The following WNT3A variants were observed in gnomAD, a reference collection of about 807,000 sequenced individuals.
WNT3A encodes Wnt family member 3A.
A neutral mutation model predicts 37.0 loss-of-function variants in WNT3A; 17 were observed. That is an observed-to-expected ratio of 0.46 (90% CI 0.31 to 0.69). The LOEUF is 0.69. Ranked by LOEUF, WNT3A falls within the 30% of genes least tolerant of loss-of-function variation. The probability of loss-of-function intolerance (pLI) is 0.05; values close to 1 mark genes in which losing one functional copy is unlikely to be tolerated. For missense variants in WNT3A, 411 were observed against 510.2 expected (o/e 0.81, Z 1.87); for synonymous variants, 187 against 211.0 (o/e 0.89, Z 0.99).
At chr1:228,010,709 A>C (rs1223244609) in intron 1 of WNT3A, among the ~76,000 whole-genome samples, 3 of 152,238 alleles carry the variant, frequency 2.0e-5, no homozygotes, top group African/African-American at 7.2e-5. Context: ...AGCGAAGTGC[A>C]GTGTGGGCTG....
intron 1 of WNT3A, among the ~76,000 whole-genome samples, chr1:228,011,243 C>A (rs1181033819): frequency 8.9e-6 from 1 of 112,490 alleles, no homozygotes; most frequent in East Asian, 3.0e-4. Flanking sequence ...GTTTCGGGGA[C>A]TGAGAGGGGC....
Position 228,060,302 on chromosome 1 carries a change from T to C in WNT3A, c.*837T>C. 4 of 1,351,166 alleles carry C rather than the reference T, an allele frequency of 3.0e-6. No individual in the cohort carries two copies. The highest frequency in any genetic ancestry group is 4.6e-5 in the East Asian group (1 of 21,944). The allele number at this position is 1,351,166 out of a possible 1,614,324, so 83.7% of individuals were successfully genotyped here. A position where few individuals can be genotyped will look rare whatever the true frequency, so the allele number is the denominator to read the frequency against. On this transcript the variant is annotated 3_prime_UTR_variant, in exon 4 of 4. Coordinates refer to ENST00000284523, the MANE Select transcript of WNT3A (RefSeq NM_033131.4). ...CCTGCGTCGAGCTGGGAAGGTTCCA[T>C]GAAGCGAGTCGGGTCCCCAACCCGT... is the stretch of plus-strand genomic sequence containing the variant.
Position 228,059,956 on chromosome 1 carries a change from G to T in WNT3A, c.*491G>T. The stretch of plus-strand genomic sequence containing the variant: ...CTGGGGTAGGCTGCTCCCTGAGGGC[G>T]GAGCGCCTCCTTAGGAGTGGGGTTT... On this transcript the variant is annotated 3_prime_UTR_variant, in exon 4 of 4. Coordinates refer to ENST00000284523, the MANE Select transcript of WNT3A (RefSeq NM_033131.4). The T allele has an allele frequency of 1.8e-6, 2 of 1,104,758 alleles. No individual in the cohort carries two copies. Among genetic ancestry groups the T allele is most frequent in the African/African-American group, 3.3e-5 (2 of 60,292 alleles). The allele number at this position is 1,104,758 out of a possible 1,614,324, so 68.4% of individuals were successfully genotyped here. A position where few individuals can be genotyped will look rare whatever the true frequency, so the allele number is the denominator to read the frequency against.
intron 2 of WNT3A, among the ~76,000 whole-genome samples, chr1:228,026,752 G>A (rs188460359): frequency 2.0e-5 from 3 of 152,236 alleles, no homozygotes; most frequent in Non-Finnish European, 4.4e-5. Context: ...TAGAATAATG[G>A]CTTCCAGATC....
intron 2 of WNT3A, among the ~76,000 whole-genome samples, chr1:228,045,606 C>A (rs546993403): frequency 1.3e-5 from 2 of 152,298 alleles, no homozygotes; most frequent in East Asian, 3.9e-4. Flanking sequence ...TGTATTCACT[C>A]AGAGGCAGTG....
Position 228,007,077 on chromosome 1 carries a change from C to T in WNT3A, c.-52C>T. 2 of 1,409,370 alleles carry T rather than the reference C, an allele frequency of 1.4e-6. No individual in the cohort carries two copies. The highest frequency in any genetic ancestry group is 1.5e-5 in the African/African-American group (1 of 66,400). 87.3% of individuals were successfully genotyped at this position (1,409,370 alleles called of 1,614,324 possible). ...GCTCCCAGGGCCCGGCCCCCCCCGG[C>T]GCTCACGCTCTCGGGGCGGACTCCC... On this transcript the variant is annotated 5_prime_UTR_variant, in exon 1 of 4. Transcript: ENST00000284523. This position sits in a 1 kb window ranked among gnomAD's most constrained non-coding sequence, Gnocchi z 6.0.
At chr1:228,013,895 T>C (rs568972468) in intron 1 of WNT3A, among the ~76,000 whole-genome samples, 41 of 152,248 alleles carry the variant, frequency 2.7e-4, no homozygotes, top group Middle Eastern at 3.4e-3. Flanking sequence ...AAGACAAAGA[T>C]TTGGAACAGG....
intron 2 of WNT3A, among the ~76,000 whole-genome samples, chr1:228,048,029 C>T (rs978257566): frequency 6.6e-6 from 1 of 152,148 alleles, no homozygotes; most frequent in African/African-American, 2.4e-5. Flanking sequence ...CCCTGGATGT[C>T]CAGGTGGCAG....
chr1:228,041,118 A>G (rs1298025018), intron 2 of WNT3A, among the ~76,000 whole-genome samples: 1 of 151,740 alleles, frequency 6.6e-6, no homozygotes, highest in East Asian at 1.9e-4. Context: ...GTCCTCTGTT[A>G]GTCCCCAGAT....
chr1:228,055,049 A>C (rs1177020652), intron 3 of WNT3A, among the ~76,000 whole-genome samples: 1 of 146,826 alleles, frequency 6.8e-6, no homozygotes, highest in Admixed American at 6.8e-5. Flanking sequence ...CAGGAGAATC[A>C]CTTGAATCCA....
intron 3 of WNT3A, among the ~76,000 whole-genome samples, chr1:228,058,286 G>A (rs931526233): frequency 1.3e-5 from 2 of 152,200 alleles, no homozygotes; most frequent in Non-Finnish European, 2.9e-5. Context: ...CATGCCTCAT[G>A]GGCTCCTGTC....
intron 2 of WNT3A, among the ~76,000 whole-genome samples, chr1:228,030,344 C>T (rs182833094): frequency 9.5e-4 from 143 of 150,300 alleles, no homozygotes; most frequent in African/African-American, 3.3e-3. Flanking sequence ...TTTAGTGAGC[C>T]GAGATCGCTT....
In WNT3A at chr1:228,059,484, C is replaced by A. The variant is rs767551023; in HGVS notation, c.*19C>A. 14 of 1,488,398 alleles carry A rather than the reference C, an allele frequency of 9.4e-6. No homozygotes were observed. Among genetic ancestry groups the A allele is most frequent in the East Asian group, 2.4e-5 (1 of 42,296 alleles). The allele number at this position is 1,488,398 out of a possible 1,614,324, so 92.2% of individuals were successfully genotyped here. A position where few individuals can be genotyped will look rare whatever the true frequency, so the allele number is the denominator to read the frequency against. On this transcript the variant is annotated 3_prime_UTR_variant, in exon 4 of 4. Coordinates refer to ENST00000284523, the MANE Select transcript of WNT3A (RefSeq NM_033131.4). ...CAAGTAGGCACCGGCCGCGGCTCCC[C>A]CTGGACGGGGCGGGCCCTGCCTGAG...
At position 228,007,256 on chromosome 1, in the gene WNT3A, G is replaced by C; in HGVS notation, c.71+57G>C. On this transcript the variant is annotated intron_variant, in intron 1 of 3. Coordinates refer to ENST00000284523, the MANE Select transcript of WNT3A (RefSeq NM_033131.4). The surrounding 1 kb of genome is among the most constrained non-coding windows in gnomAD (Gnocchi z 6.0). ...CCTGTGCGCCGCGCCCGCAGCAGACGGTCCCCTCGGGCAGGGACCCCGCGG... is the reference window on the plus strand; with the variant it reads ...CCTGTGCGCCGCGCCCGCAGCAGACCGTCCCCTCGGGCAGGGACCCCGCGG... 3 of 1,538,716 alleles carry C rather than the reference G, an allele frequency of 1.9e-6. No individual in the cohort carries two copies. The highest frequency in any genetic ancestry group is 8.8e-7 in the Non-Finnish European group (1 of 1,135,124).
rs117369633 is a variant in WNT3A at position 228,033,313 on chromosome 1, T to C, written c.313+10405T>C. Among the ~76,000 whole-genome samples the C allele has an allele frequency of 3.6e-3, 549 of 152,180 alleles. 11 individuals carry two copies. Among genetic ancestry groups the C allele is most frequent in the East Asian group, 0.03 (158 of 5,194 alleles). On this transcript the variant is annotated intron_variant, in intron 2 of 3. Transcript: ENST00000284523. ...TTTTTAAATAAGAGTTTTAGCGTTT[T>C]AGTGCTTACATCTCGGTCTTTAATT... is the stretch of plus-strand genomic sequence containing the variant.
intron 2 of WNT3A, among the ~76,000 whole-genome samples, chr1:228,026,157 C>T (rs2030851078): frequency 6.6e-6 from 1 of 151,534 alleles, no homozygotes; most frequent in Non-Finnish European, 1.5e-5. Flanking sequence ...TAGTTTTGAT[C>T]CTCAACTGTA....
intron 3 of WNT3A, among the ~76,000 whole-genome samples, chr1:228,056,912 T>C (rs74143632): frequency 4.6e-5 from 7 of 152,166 alleles, no homozygotes; most frequent in Non-Finnish European, 1.0e-4. Flanking sequence ...AAGCCAAGAA[T>C]TCACTTCCCA....
rs1165637317 is a variant in WNT3A at position 228,060,993 on chromosome 1, C to G, written c.*1528C>G. 1 of 152,624 alleles carries G rather than the reference C, an allele frequency of 6.6e-6. No homozygotes were observed. The highest frequency in any genetic ancestry group is 2.4e-5 in the African/African-American group (1 of 41,468). The allele number at this position is 152,624 out of a possible 1,614,324, so 9.5% of individuals were successfully genotyped here. A position where few individuals can be genotyped will look rare whatever the true frequency, so the allele number is the denominator to read the frequency against. On this transcript the variant is annotated 3_prime_UTR_variant, in exon 4 of 4. Coordinates refer to ENST00000284523, the MANE Select transcript of WNT3A (RefSeq NM_033131.4). Reference sequence around the variant, plus strand: ...GTCCGCTTTCCTGGAGCCAATGGCCCGGCCCCTCCTGACTCATCCGCCTGG... The same window carrying G: ...GTCCGCTTTCCTGGAGCCAATGGCCGGGCCCCTCCTGACTCATCCGCCTGG...
intron 2 of WNT3A, among the ~76,000 whole-genome samples, chr1:228,036,639 G>A (rs930752883): frequency 2.6e-5 from 4 of 152,198 alleles, no homozygotes; most frequent in Admixed American, 2.6e-4. Context: ...AAGCATTTGA[G>A]GAATTTTAAG....
Sources: allele counts gnomAD v4.1 joint callset (sites outside exome capture counted in the v4.1 genomes callset), GRCh38; gene constraint gnomAD v4.1.1; non-coding constraint Gnocchi (gnomAD v3.1); transcripts MANE v1.5; gene names NCBI Gene and HGNC (gene_info 2026-07-23, HGNC 2026-07-21).